The following UBE2QL1 variants were observed in gnomAD, a reference collection of about 807,000 sequenced individuals.
UBE2QL1 encodes ubiquitin conjugating enzyme E2 QL1, also known as ubiquitin-conjugating enzyme E2Q-like protein 1.
UBE2QL1 carries 5 observed loss-of-function variants against 12.6 expected under a neutral mutation model. The observed-to-expected ratio is 0.40, with a 90% CI of 0.21 to 0.83. The LOEUF is 0.83. UBE2QL1 is among the 40% of genes least tolerant of loss of function. The pLI is 0.37. For missense variants in UBE2QL1, 99 were observed against 222.6 expected (o/e 0.44, Z 3.53); for synonymous variants, 96 against 94.5 (o/e 1.02, Z -0.10).
chr5:6,488,004 G>A (rs272461), intron 1 of UBE2QL1, among the ~76,000 whole-genome samples: 32,596 of 152,126 alleles, frequency 0.21, 4,135 homozygotes, highest in East Asian at 0.34. Context: ...TCACTGTGTC[G>A]TATTTAAACA....
chr5:6,486,839 G>A (rs1360709332), intron 1 of UBE2QL1, among the ~76,000 whole-genome samples: 1 of 152,144 alleles, frequency 6.6e-6, no homozygotes, highest in Non-Finnish European at 1.5e-5. Flanking sequence ...CATTACTCAT[G>A]GGGTGCCACT....
At chr5:6,473,266 C>T (rs1734133966) in intron 1 of UBE2QL1, among the ~76,000 whole-genome samples, 1 of 151,894 alleles carries the variant, frequency 6.6e-6, no homozygotes, top group Admixed American at 6.6e-5. Context: ...TCAGTGAACT[C>T]TCATTTCCAC....
At chr5:6,465,895 G>A (rs1356830795) in intron 1 of UBE2QL1, among the ~76,000 whole-genome samples, 3 of 152,120 alleles carry the variant, frequency 2.0e-5, no homozygotes, top group Admixed American at 6.5e-5. Flanking sequence ...TTTACCCCGC[G>A]CAAAGCGTTT....
intron 1 of UBE2QL1, among the ~76,000 whole-genome samples, chr5:6,483,741 G>A (rs1579301211): frequency 6.6e-6 from 1 of 152,198 alleles, no homozygotes; most frequent in African/African-American, 2.4e-5. Flanking sequence ...GGGCCATGGA[G>A]GAGAGTCGTC....
chr5:6,450,787 C>T (rs1399481069), intron 1 of UBE2QL1, among the ~76,000 whole-genome samples: 2 of 152,168 alleles, frequency 1.3e-5, no homozygotes, highest in Non-Finnish European at 2.9e-5. Flanking sequence ...ACACATTTCC[C>T]GAGTTAGAAA....
intron 1 of UBE2QL1, among the ~76,000 whole-genome samples, chr5:6,480,060 C>T (rs531747390): frequency 1.4e-4 from 22 of 152,282 alleles, no homozygotes; most frequent in Non-Finnish European, 2.9e-4. Flanking sequence ...CACAGCCAGG[C>T]GGGTCACTTT....
In UBE2QL1 at chr5:6,481,209, T is replaced by G. The variant is rs1160806829; in HGVS notation, c.355-10009T>G. The stretch of plus-strand genomic sequence containing the variant: ...CCGTTTCTAGATTTCCTGCTTCTCC[T>G]CTTGACTGTCCCCAGCCAAACACAC... On this transcript the variant is annotated intron_variant, in intron 1 of 1. Coordinates refer to ENST00000399816, the MANE Select transcript of UBE2QL1 (RefSeq NM_001145161.3). The surrounding 1 kb of genome is among the most constrained non-coding windows in gnomAD (Gnocchi z 4.5). Among the ~76,000 whole-genome samples, 1 of 152,134 alleles carries G rather than the reference T, an allele frequency of 6.6e-6. No individual in the cohort carries two copies. Among genetic ancestry groups the G allele is most frequent in the Non-Finnish European group, 1.5e-5 (1 of 68,018 alleles).
In UBE2QL1 at chr5:6,476,250, C is replaced by G. The variant is rs1054400278; in HGVS notation, c.355-14968C>G. ...CTCTGCTGCCTCTGCAGAGCCTGCA[C>G]CTCAGCAGCACCTCAGGAGCAGCCA... On this transcript the variant is annotated intron_variant, in intron 1 of 1. Transcript: ENST00000399816. The surrounding 1 kb of genome is among the most constrained non-coding windows in gnomAD (Gnocchi z 4.9). Among the ~76,000 whole-genome samples, 9 of 152,190 alleles carry G rather than the reference C, an allele frequency of 5.9e-5. No individual in the cohort carries two copies. The highest frequency in any genetic ancestry group is 2.2e-4 in the African/African-American group (9 of 41,450).
intron 1 of UBE2QL1, among the ~76,000 whole-genome samples, chr5:6,451,083 G>T (rs930129278): frequency 6.6e-6 from 1 of 152,102 alleles, no homozygotes; most frequent in African/African-American, 2.4e-5. Context: ...TTCATTCTTC[G>T]CAATGAAGAT....
At chr5:6,469,421 A>T (rs1006591216) in intron 1 of UBE2QL1, among the ~76,000 whole-genome samples, 4 of 148,688 alleles carry the variant, frequency 2.7e-5, no homozygotes, top group Non-Finnish European at 5.9e-5. Context: ...AAATATTCTA[A>T]TCTATACATA....
rs185453174 is a variant in UBE2QL1, at chr5:6,483,758, A to G, written c.355-7460A>G. Among the ~76,000 whole-genome samples, 135 of 152,294 alleles carry G rather than the reference A, an allele frequency of 8.9e-4. 1 individual carries two copies. Among genetic ancestry groups the G allele is most frequent in the Non-Finnish European group, 6.9e-4 (47 of 68,024 alleles). ...GCCATGGAGGAGAGTCGTCATTTCC[A>G]CTAAAGCCACGCCAAGGGCTGGTTC... is the stretch of plus-strand genomic sequence containing the variant. On this transcript the variant is annotated intron_variant, in intron 1 of 1. Coordinates refer to ENST00000399816, the MANE Select transcript of UBE2QL1 (RefSeq NM_001145161.3).
rs554778910 is a variant in UBE2QL1 at position 6,456,957 on chromosome 5, G to A, written c.354+7710G>A. Among the ~76,000 whole-genome samples, 412 of 151,718 alleles carry A rather than the reference G, an allele frequency of 2.7e-3. 2 individuals are homozygous for A. Among genetic ancestry groups the A allele is most frequent in the African/African-American group, 9.1e-3 (378 of 41,372 alleles). ...CTTCAGTGCTAGGCTCTCCTCTCCC[G>A]CTCTCTTCCTCTCCAGCCCTGTGCT... On this transcript the variant is annotated intron_variant, in intron 1 of 1. Coordinates refer to ENST00000399816, the MANE Select transcript of UBE2QL1 (RefSeq NM_001145161.3).
chr5:6,490,036 C>T (rs939956550), intron 1 of UBE2QL1, among the ~76,000 whole-genome samples: 4 of 152,248 alleles, frequency 2.6e-5, no homozygotes, highest in East Asian at 1.9e-4. Flanking sequence ...TAAAGCTCAG[C>T]CAGTTCTTTC....
At chr5:6,465,944 C>G (rs1370672270) in intron 1 of UBE2QL1, among the ~76,000 whole-genome samples, 2 of 152,188 alleles carry the variant, frequency 1.3e-5, no homozygotes, top group Non-Finnish European at 2.9e-5. Flanking sequence ...CCTTCCTTCC[C>G]CCGACACCAG....
At chr5:6,457,204 T>C (rs1739544350) in intron 1 of UBE2QL1, among the ~76,000 whole-genome samples, 1 of 151,820 alleles carries the variant, frequency 6.6e-6, no homozygotes. Flanking sequence ...CCACTGAGGC[T>C]CCTCTTCCAC....
Position 6,452,870 on chromosome 5 carries a change from C to T in UBE2QL1, c.354+3623C>T, listed in dbSNP as rs190671768. Among the ~76,000 whole-genome samples, 134 of 152,238 alleles carry T rather than the reference C, an allele frequency of 8.8e-4. 1 individual carries two copies. The highest frequency in any genetic ancestry group is 3.0e-3 in the African/African-American group (124 of 41,540). On this transcript the variant is annotated intron_variant, in intron 1 of 1. Transcript: ENST00000399816. ...TCAGTTGTGTGTGCAGCAGCAGGGT[C>T]CCCAAAAGCTGCTTGATGGTGCACT...
chr5:6,468,379 T>A (rs1579293620), intron 1 of UBE2QL1, among the ~76,000 whole-genome samples: 1 of 152,120 alleles, frequency 6.6e-6, no homozygotes, highest in African/African-American at 2.4e-5. Context: ...TGCACTGGCC[T>A]GAGGACAGAG....
Position 6,487,106 on chromosome 5 carries a change from A to G in UBE2QL1, c.355-4112A>G, listed in dbSNP as rs551104549. On this transcript the variant is annotated intron_variant, in intron 1 of 1. Coordinates refer to ENST00000399816, the MANE Select transcript of UBE2QL1 (RefSeq NM_001145161.3). ...CCTAACACATTGAATGAATGCATAA[A>G]TGAATGAATGAGAAGCATTAGACAA... Among the ~76,000 whole-genome samples the G allele has an allele frequency of 2.1e-4, 32 of 152,368 alleles. No homozygotes were observed. In the South Asian group the frequency reaches 6.0e-3, roughly 29 times the overall value.
intron 1 of UBE2QL1, among the ~76,000 whole-genome samples, chr5:6,471,342 G>T (rs1579295047): frequency 6.6e-6 from 1 of 152,292 alleles, no homozygotes; most frequent in East Asian, 1.9e-4. Context: ...GGTGCCTCTG[G>T]CTCTGGGTCT....
Sources: allele counts gnomAD v4.1 joint callset (sites outside exome capture counted in the v4.1 genomes callset), GRCh38; gene constraint gnomAD v4.1.1; non-coding constraint Gnocchi (gnomAD v3.1); transcripts MANE v1.5; gene names NCBI Gene and HGNC (gene_info 2026-07-23, HGNC 2026-07-21).